The following WWP2 variants were observed in gnomAD, a reference collection of about 807,000 sequenced individuals.
The protein encoded by WWP2 is WW domain containing E3 ubiquitin protein ligase 2, also known as NEDD4-like E3 ubiquitin-protein ligase WWP2.
WWP2 carries 57 observed loss-of-function variants against 121.0 expected under a neutral mutation model. The observed-to-expected ratio is 0.47, with a 90% CI of 0.38 to 0.59. The LOEUF (loss-of-function observed/expected upper bound fraction) is 0.59. Ranked by LOEUF, WWP2 falls within the 20% of genes least tolerant of loss-of-function variation. WWP2 has a pLI of 0.00. For synonymous variants in WWP2, 449 were observed against 441.3 expected (o/e 1.02, Z -0.22); for missense variants, 962 against 1,158.9 (o/e 0.83, Z 2.47).
intron 9 of WWP2, chr16:69,910,206 A>G (rs968571624): frequency 7.0e-6 from 2 of 284,306 alleles, no homozygotes; most frequent in South Asian, 2.7e-4. Context: ...TTCACTATGT[A>G]TTTCTAAAAC....
intron 4 of WWP2, among the ~76,000 whole-genome samples, chr16:69,818,822 A>G (rs966945615): frequency 6.6e-6 from 1 of 151,868 alleles, no homozygotes; most frequent in Admixed American, 6.6e-5. Context: ...TCCTGTGTTC[A>G]TTTGTTAATT....
intron 6 of WWP2, among the ~76,000 whole-genome samples, chr16:69,845,729 A>C (rs2057060599): frequency 6.6e-6 from 1 of 152,012 alleles, no homozygotes; most frequent in African/African-American, 2.4e-5. Context: ...TCCATTTCTT[A>C]GTGGGATCTT....
At chr16:69,791,176 T>C (rs1175041532) in intron 2 of WWP2, among the ~76,000 whole-genome samples, 2 of 152,174 alleles carry the variant, frequency 1.3e-5, no homozygotes, top group Non-Finnish European at 2.9e-5. Context: ...CTGAGGTCTC[T>C]GTTTTGGGGC....
At chr16:69,830,631 T>TG (rs930759167) in intron 4 of WWP2, among the ~76,000 whole-genome samples, 21 of 152,174 alleles carry the variant, frequency 1.4e-4, no homozygotes, top group Admixed American at 3.3e-4. Flanking sequence ...GTGTGAGTGT[T>TG]GGGGGGCCGC....
Position 69,799,451 on chromosome 16 carries a change from T to G in WWP2, c.340+156T>G. 1.8e-5 allele frequency: 18 copies of G among 1,006,758 alleles called. No homozygotes were observed. The highest frequency in any genetic ancestry group is 2.4e-5 in the Non-Finnish European group (17 of 713,482). 62.4% of individuals were successfully genotyped at this position (1,006,758 alleles called of 1,614,324 possible). Reference sequence around the variant, plus strand: ...TTGGAGTTTTGGGAAGGCTGAGGGCTCCTCTCTGCCTCCACTACAGAGTTT... The same window carrying G: ...TTGGAGTTTTGGGAAGGCTGAGGGCGCCTCTCTGCCTCCACTACAGAGTTT... On this transcript the variant is annotated intron_variant, in intron 4 of 23. Coordinates refer to ENST00000359154, the MANE Select transcript of WWP2 (RefSeq NM_001270454.2). This position sits in a 1 kb window ranked among gnomAD's most constrained non-coding sequence, Gnocchi z 4.5.
At chr16:69,853,291 C>A (rs2151892343) in intron 6 of WWP2, among the ~76,000 whole-genome samples, 1 of 152,282 alleles carries the variant, frequency 6.6e-6, no homozygotes, top group African/African-American at 2.4e-5. Context: ...TCCCTGAGGT[C>A]TTTGGTTACA....
chr16:69,791,955 A>G (rs1342066354), intron 2 of WWP2, among the ~76,000 whole-genome samples: 6 of 149,916 alleles, frequency 4.0e-5, no homozygotes, highest in Non-Finnish European at 4.4e-5. Context: ...CCAGCTTGAT[A>G]ATACTGGTGT....
At chr16:69,871,655 G>T in intron 6 of WWP2, 149 bp from the exon 7 acceptor site, 1 of 1,153,382 alleles carries the variant, frequency 8.7e-7, no homozygotes. Context: ...CTTGGAACCA[G>T]CTTCTGTTTA....
Position 69,860,150 on chromosome 16 carries a change from T to TA in WWP2, c.576-11645dup, listed in dbSNP as rs926937357. ...TAGGAGTTCAAGACCCCCATCGCTA[T>TA]AAAAAAAAATCAAAAAAATTAGCCA... is the stretch of plus-strand genomic sequence containing the variant. On this transcript the variant is annotated intron_variant, in intron 6 of 23. Coordinates refer to ENST00000359154, the MANE Select transcript of WWP2 (RefSeq NM_001270454.2). 1.7e-3 allele frequency among the ~76,000 whole-genome samples: 251 copies of TA among 151,028 alleles called. 1 individual carries two copies. Among genetic ancestry groups the TA allele is most frequent in the African/African-American group, 4.9e-3 (202 of 41,130 alleles).
chr16:69,774,281 G>C (rs745533742), intron 1 of WWP2, among the ~76,000 whole-genome samples: 2 of 151,654 alleles, frequency 1.3e-5, no homozygotes, highest in Non-Finnish European at 2.9e-5. Flanking sequence ...TTTTGAGACA[G>C]GGTCTTGCTC....
chr16:69,793,486 ATTAGGGTTT>A (rs545260756), intron 2 of WWP2, among the ~76,000 whole-genome samples: 1 of 152,208 alleles, frequency 6.6e-6, no homozygotes, highest in East Asian at 1.9e-4. Flanking sequence ...AGGCTCAGAG[ATTAGGGTTT>A]TTATAGACAA....
At chr16:69,795,413 C>T (rs182559199) in intron 2 of WWP2, among the ~76,000 whole-genome samples, 155 of 152,154 alleles carry the variant, frequency 1.0e-3, no homozygotes, top group Non-Finnish European at 1.6e-3. Flanking sequence ...AAAATCATAT[C>T]CTTATTTGCA....
rs991168362 is a variant in WWP2 at position 69,922,008 on chromosome 16, A to C, written c.1180-3422A>C. ...AGAATCGCTTGAACTCGGGAGGCAG[A>C]GGTTGGTTGTGGTGAGCTGAGATCA... On this transcript the variant is annotated intron_variant, in intron 10 of 23. Transcript: ENST00000359154. Among the ~76,000 whole-genome samples the C allele has an allele frequency of 2.7e-5, 4 of 147,688 alleles. No homozygotes were observed. In the Admixed American group the frequency reaches 2.8e-4, roughly 10 times the overall value.
At chr16:69,792,652 C>T (rs1267075377) in intron 2 of WWP2, among the ~76,000 whole-genome samples, 1 of 152,154 alleles carries the variant, frequency 6.6e-6, no homozygotes, top group Non-Finnish European at 1.5e-5. Context: ...GGCAGGACAA[C>T]CTAATGTATG....
At chr16:69,909,274 A>G in intron 9 of WWP2, 1 of 990,786 alleles carries the variant, frequency 1.0e-6, no homozygotes, top group Non-Finnish European at 1.2e-6. Context: ...CAGGGACAGA[A>G]AGTTCTTTCC....
intron 6 of WWP2, among the ~76,000 whole-genome samples, chr16:69,855,754 A>C (rs1312897456): frequency 6.6e-6 from 1 of 152,216 alleles, no homozygotes; most frequent in South Asian, 2.1e-4. Flanking sequence ...TTGAAGGAAC[A>C]GTGGAGAGGC....
intron 7 of WWP2, among the ~76,000 whole-genome samples, chr16:69,886,036 A>G (rs995329680): frequency 1.6e-4 from 25 of 152,184 alleles, no homozygotes; most frequent in African/African-American, 4.8e-4. Flanking sequence ...AAGAAATGGT[A>G]GGCCTCTTTA....
intron 8 of WWP2, among the ~76,000 whole-genome samples, chr16:69,904,744 A>T (rs2058261228): frequency 6.6e-6 from 1 of 152,068 alleles, no homozygotes. Flanking sequence ...AAATATGAAG[A>T]TCTCCCTTTT....
In WWP2 at chr16:69,936,453, G is replaced by T. The variant is rs1316782646; in HGVS notation, c.2117+1G>T. ...AGGAGAACAAGGAAGAGTACATCAT[G>T]TGAGTCTCAGGCGCCGGGGGCTCCG... On this transcript the variant is annotated splice_donor_variant, in intron 19 of 23. Coordinates refer to ENST00000359154, the MANE Select transcript of WWP2 (RefSeq NM_001270454.2). LOFTEE classifies it high-confidence loss of function. The T allele has an allele frequency of 6.2e-7, 1 of 1,614,018 alleles. No individual in the cohort carries two copies. The highest frequency in any genetic ancestry group is 1.7e-4 in the Middle Eastern group (1 of 6,060).
Sources: allele counts gnomAD v4.1 joint callset (sites outside exome capture counted in the v4.1 genomes callset), GRCh38; gene constraint gnomAD v4.1.1; non-coding constraint Gnocchi (gnomAD v3.1); transcripts MANE v1.5; gene names NCBI Gene and HGNC (gene_info 2026-07-23, HGNC 2026-07-21).